KCNH7: variants seen among roughly 807,000 people sequenced by gnomAD.
The protein encoded by KCNH7 is potassium voltage-gated channel subfamily H member 7.
In KCNH7, 49 loss-of-function variants were observed where a neutral mutation model predicts 120.8. The ratio of observed to expected loss-of-function variants is 0.41; its 90% CI spans 0.32 to 0.51. The LOEUF is 0.51. Ranked by LOEUF, KCNH7 falls within the 20% of genes least tolerant of loss-of-function variation. The pLI, the probability that KCNH7 is intolerant of heterozygous loss-of-function variation, is 0.38. For synonymous variants in KCNH7, 547 were observed against 516.1 expected, an observed-to-expected ratio of 1.06 and a Z score of -0.81; for missense variants, 1,097 against 1,446.6, an observed-to-expected ratio of 0.76 and a Z score of 3.92.
chr2:162,411,527 T>C lies in KCNH7; in HGVS notation c.2155-11086A>G, dbSNP rs75341107. On this transcript the variant is annotated intron_variant, in intron 9 of 15. Transcript: ENST00000332142. Reference sequence around the variant, plus strand: ...GGGCACTATGTTCACTACCTTGGGATCATTTGTACATCAAGCCTCAGTGAC... The same window carrying C: ...GGGCACTATGTTCACTACCTTGGGACCATTTGTACATCAAGCCTCAGTGAC... Among the ~76,000 whole-genome samples the C allele has an allele frequency of 8.2e-3, 1,242 of 151,966 alleles. 20 individuals carry two copies. The highest frequency in any genetic ancestry group is 0.029 in the African/African-American group (1,183 of 41,466).
intron 13 of KCNH7, 145 bp from the exon 14 acceptor site, chr2:162,380,166 G>A: frequency 1.1e-6 from 1 of 898,836 alleles, no homozygotes. Context: ...TGTGTCCAGG[G>A]GCCACGGCCA....
At chr2:162,620,954 A>C (rs1233055254) in intron 2 of KCNH7, among the ~76,000 whole-genome samples, 1 of 152,150 alleles carries the variant, frequency 6.6e-6, no homozygotes, top group Non-Finnish European at 1.5e-5. Flanking sequence ...TGAAAGGCAT[A>C]AGCTGGGACT....
At chr2:162,557,564 T>C (rs1221237992) in intron 2 of KCNH7, among the ~76,000 whole-genome samples, 1 of 152,222 alleles carries the variant, frequency 6.6e-6, no homozygotes, top group Non-Finnish European at 1.5e-5. Context: ...TGCAACTGGC[T>C]GCAGCTGATT....
intron 2 of KCNH7, among the ~76,000 whole-genome samples, chr2:162,804,537 C>T (rs371168509): frequency 3.0e-4 from 46 of 151,824 alleles, no homozygotes; most frequent in Non-Finnish European, 3.7e-4. Flanking sequence ...ATGTATTTAA[C>T]CAAAGAGATG....
chr2:162,792,387 A>G (rs1233405802), intron 2 of KCNH7, among the ~76,000 whole-genome samples: 1 of 152,084 alleles, frequency 6.6e-6, no homozygotes, highest in Non-Finnish European at 1.5e-5. Context: ...CATCTGGCAG[A>G]ATTCATTTGT....
chr2:162,456,201 A>C (rs970032141), intron 6 of KCNH7, among the ~76,000 whole-genome samples: 1 of 152,090 alleles, frequency 6.6e-6, no homozygotes, highest in Non-Finnish European at 1.5e-5. Context: ...TCTACTCAGC[A>C]GTCATTCAGG....
At chr2:162,779,174 T>C (rs1008981216) in intron 2 of KCNH7, among the ~76,000 whole-genome samples, 14 of 138,076 alleles carry the variant, frequency 1.0e-4, no homozygotes, top group Non-Finnish European at 2.0e-4. Flanking sequence ...TTTAAGCCAG[T>C]CTTAATTTTT....
At chr2:162,710,169 T>C (rs999728513) in intron 2 of KCNH7, among the ~76,000 whole-genome samples, 2 of 152,068 alleles carry the variant, frequency 1.3e-5, no homozygotes, top group South Asian at 2.1e-4. Flanking sequence ...CCCAAAATTA[T>C]CTCCAAGACT....
At chr2:162,620,141 G>C (rs1683294233) in intron 2 of KCNH7, among the ~76,000 whole-genome samples, 2 of 149,694 alleles carry the variant, frequency 1.3e-5, no homozygotes, top group African/African-American at 4.9e-5. Context: ...CCAATGGGTA[G>C]AGAAATATAG....
At chr2:162,811,406 G>A (rs114067376) in intron 2 of KCNH7, among the ~76,000 whole-genome samples, 2,378 of 152,100 alleles carry the variant, frequency 0.016, 52 homozygotes, top group African/African-American at 0.049. Flanking sequence ...ATTAGGTATC[G>A]TGTTTGCCAA....
intron 2 of KCNH7, among the ~76,000 whole-genome samples, chr2:162,833,772 T>C (rs940931867): frequency 1.3e-5 from 2 of 152,126 alleles, no homozygotes; most frequent in African/African-American, 2.4e-5. Context: ...CGGGTTTAAA[T>C]TGCTTATAAA....
intron 2 of KCNH7, among the ~76,000 whole-genome samples, chr2:162,661,954 A>G (rs530124325): frequency 6.6e-6 from 1 of 152,118 alleles, no homozygotes; most frequent in Non-Finnish European, 1.5e-5. Flanking sequence ...TTGTTGTATG[A>G]TGCTTTTTTC....
intron 2 of KCNH7, among the ~76,000 whole-genome samples, chr2:162,676,038 T>G (rs182445650): frequency 6.6e-6 from 1 of 151,470 alleles, no homozygotes; most frequent in African/African-American, 2.4e-5. Flanking sequence ...GGGACAGAGA[T>G]GGTTTGATAA....
intron 2 of KCNH7, among the ~76,000 whole-genome samples, chr2:162,664,400 G>A (rs910153147): frequency 6.6e-6 from 1 of 152,150 alleles, no homozygotes; most frequent in Admixed American, 6.5e-5. Flanking sequence ...TACAGCAGGT[G>A]CTATGCTGGA....
At chr2:162,697,643 A>T (rs1424974325) in intron 2 of KCNH7, among the ~76,000 whole-genome samples, 2 of 152,120 alleles carry the variant, frequency 1.3e-5, no homozygotes, top group Admixed American at 1.3e-4. Flanking sequence ...CATGCTTCTC[A>T]ACCTAGGTAG....
rs534243761 is a variant in KCNH7 at position 162,792,841 on chromosome 2, T to C, written c.307+43696A>G. On this transcript the variant is annotated intron_variant, in intron 2 of 15. Transcript: ENST00000332142. The stretch of plus-strand genomic sequence containing the variant: ...TCCTTCAGTTCAGCTCTGATTTTGG[T>C]TATTTCTTGTGGTCTACTAGCTTGG... 4.0e-5 allele frequency among the ~76,000 whole-genome samples: 6 copies of C among 150,622 alleles called. No homozygotes were observed. In the South Asian group the frequency reaches 1.1e-3, roughly 27 times the overall value.
intron 5 of KCNH7, among the ~76,000 whole-genome samples, chr2:162,508,516 G>T (rs1210484746): frequency 1.3e-5 from 2 of 151,472 alleles, no homozygotes; most frequent in African/African-American, 4.8e-5. Flanking sequence ...TTTTAAAGCA[G>T]ATGTTTAAAT....
intron 2 of KCNH7, among the ~76,000 whole-genome samples, chr2:162,643,131 A>G (rs1159572367): frequency 6.6e-6 from 1 of 152,198 alleles, no homozygotes; most frequent in African/African-American, 2.4e-5. Flanking sequence ...AATGACTCTA[A>G]GAATTGCCCT....
chr2:162,468,600 A>T (rs1347480937), intron 6 of KCNH7, among the ~76,000 whole-genome samples: 1 of 139,600 alleles, frequency 7.2e-6, no homozygotes, highest in Non-Finnish European at 1.5e-5. Context: ...AGCTCACTGC[A>T]ACCTCCGCCT....
Sources: gnomAD v4.1 joint callset for allele counts (sites outside exome capture counted in the v4.1 genomes callset) on GRCh38, gnomAD v4.1.1 for gene constraint, MANE v1.5 for transcripts, NCBI Gene and HGNC (gene_info 2026-07-23, HGNC 2026-07-21) for gene names.